YPEL2: variants seen among roughly 807,000 people sequenced by gnomAD.
YPEL2 encodes the protein yippee like 2, also known as protein yippee-like 2.
In YPEL2, 2 loss-of-function variants were observed where a neutral mutation model predicts 19.1. The observed-to-expected ratio is 0.10, with a 90% confidence interval of 0.04 to 0.33. The LOEUF is 0.33. YPEL2 is among the 10% of genes least tolerant of loss of function. The probability of loss-of-function intolerance (pLI) is 1.00; values close to 1 mark genes in which losing one functional copy is unlikely to be tolerated. For missense variants in YPEL2, 66 were observed against 140.7 expected, an observed-to-expected ratio of 0.47 and a Z score of 2.68; for synonymous variants, 52 against 50.0, an observed-to-expected ratio of 1.04 and a Z score of -0.17.
In YPEL2 at chr17:59,401,706, A is replaced by G. The variant is rs2048071999; in HGVS notation, c.*4516A>G. On this transcript the variant is annotated 3_prime_UTR_variant, in exon 5 of 5. Coordinates refer to ENST00000312655, the MANE Select transcript of YPEL2 (RefSeq NM_001005404.4). ...CAATCTGTGTTGGTGCTCATTTGAG[A>G]AAATAAAAGTTTTCAAATATTAACT... 6.6e-6 allele frequency: 1 copy of G among 152,640 alleles called. No homozygotes were observed. The highest frequency in any genetic ancestry group is 2.1e-4 in the South Asian group (1 of 4,832). 9.5% of individuals were successfully genotyped at this position (152,640 alleles called of 1,614,324 possible).
intron 1 of YPEL2, among the ~76,000 whole-genome samples, chr17:59,337,037 G>A (rs1411962861): frequency 6.6e-6 from 1 of 152,148 alleles, no homozygotes; most frequent in Non-Finnish European, 1.5e-5. Flanking sequence ...ACCGAGTTGG[G>A]CTTCAGTGTC....
chr17:59,367,866 G>A (rs895511754), intron 2 of YPEL2, among the ~76,000 whole-genome samples: 1 of 152,148 alleles, frequency 6.6e-6, no homozygotes, highest in Non-Finnish European at 1.5e-5. Flanking sequence ...CACTGTAATG[G>A]GAAGACAGTG....
intron 2 of YPEL2, chr17:59,354,759 CCTTT>C (rs1027213421): frequency 7.9e-5 from 12 of 152,334 alleles, no homozygotes; most frequent in African/African-American, 2.7e-4. Flanking sequence ...GCCCCACTTT[CCTTT>C]CTTTATGGTT....
intron 1 of YPEL2, among the ~76,000 whole-genome samples, chr17:59,334,002 G>T (rs1298909529): frequency 6.6e-6 from 1 of 152,184 alleles, no homozygotes; most frequent in Non-Finnish European, 1.5e-5. Flanking sequence ...AATCACACTA[G>T]CTTAGGCTTT....
rs568507821 is a variant in YPEL2 at position 59,386,097 on chromosome 17, C to T, written c.118-2230C>T. 3.1e-3 allele frequency among the ~76,000 whole-genome samples: 470 copies of T among 151,910 alleles called. 1 individual carries two copies. The highest frequency in any genetic ancestry group is 5.2e-3 in the Non-Finnish European group (351 of 67,962). On this transcript the variant is annotated intron_variant, in intron 2 of 4. Coordinates refer to ENST00000312655, the MANE Select transcript of YPEL2 (RefSeq NM_001005404.4). ...CAGCACTTTGGAAAGCTGAGGCAGGCGGATTGTTTAAGCCTAGGAGTTCAA... is the reference window on the plus strand; with the variant it reads ...CAGCACTTTGGAAAGCTGAGGCAGGTGGATTGTTTAAGCCTAGGAGTTCAA...
chr17:59,379,023 A>C (rs1054991863), intron 2 of YPEL2, among the ~76,000 whole-genome samples: 4 of 152,208 alleles, frequency 2.6e-5, no homozygotes, highest in Non-Finnish European at 5.9e-5. Context: ...TGGAAGACGA[A>C]TAGAGTCAGG....
chr17:59,398,078 T>C lies in YPEL2; in HGVS notation c.*888T>C, dbSNP rs1198273941. ...AGCAGGGCACAAAGGGGCTGCAGTT[T>C]GGGAGCTCCTGAAGAAATGGCTCAG... On this transcript the variant is annotated 3_prime_UTR_variant, in exon 5 of 5. Transcript: ENST00000312655. 1 of 152,230 alleles carries C rather than the reference T, an allele frequency of 6.6e-6. No individual in the cohort carries two copies. The highest frequency in any genetic ancestry group is 2.4e-5 in the African/African-American group (1 of 41,446). 9.4% of individuals were successfully genotyped at this position (152,230 alleles called of 1,614,324 possible). A position where few individuals can be genotyped will look rare whatever the true frequency, so the allele number is the denominator to read the frequency against.
At chr17:59,349,397 T>C (rs2047775719) in intron 1 of YPEL2, among the ~76,000 whole-genome samples, 2 of 142,224 alleles carry the variant, frequency 1.4e-5, no homozygotes, top group African/African-American at 5.2e-5. Context: ...GGAGTCTCGC[T>C]CTGTCGTCCA....
chr17:59,392,886 G>A (rs2048015120), intron 4 of YPEL2, among the ~76,000 whole-genome samples: 1 of 152,148 alleles, frequency 6.6e-6, no homozygotes. Context: ...CTGACCTCAG[G>A]TGATCCCCCC....
rs555054700 is a variant in YPEL2 at position 59,342,214 on chromosome 17, C to A, written c.-196+10390C>A. Reference sequence around the variant, plus strand: ...TGGGTGGTTTGTAGCTAATTGGGGCCCCAGCTGTGCCCTGGGGGACCAGCA... The same window carrying A: ...TGGGTGGTTTGTAGCTAATTGGGGCACCAGCTGTGCCCTGGGGGACCAGCA... On this transcript the variant is annotated intron_variant, in intron 1 of 4. Coordinates refer to ENST00000312655, the MANE Select transcript of YPEL2 (RefSeq NM_001005404.4). Among the ~76,000 whole-genome samples, 5 of 152,244 alleles carry A rather than the reference C, an allele frequency of 3.3e-5. No homozygotes were observed. In the East Asian group the frequency reaches 9.6e-4, roughly 29 times the overall value.
intron 2 of YPEL2, among the ~76,000 whole-genome samples, chr17:59,357,721 T>C (rs2047820002): frequency 6.6e-6 from 1 of 152,218 alleles, no homozygotes. Context: ...AAAGCTTTTG[T>C]ATGAAAATTT....
chr17:59,366,410 C>T (rs914286122), intron 2 of YPEL2, among the ~76,000 whole-genome samples: 5 of 152,124 alleles, frequency 3.3e-5, no homozygotes, highest in African/African-American at 4.8e-5. Flanking sequence ...TAAGGTTATC[C>T]GGGGCAGCTG....
intron 2 of YPEL2, among the ~76,000 whole-genome samples, chr17:59,356,820 G>T (rs1598034074): frequency 6.6e-6 from 1 of 152,170 alleles, no homozygotes; most frequent in East Asian, 1.9e-4. Flanking sequence ...ATCTGACATG[G>T]TAGAAGGGAA....
chr17:59,346,298 G>T (rs2047755985), intron 1 of YPEL2, among the ~76,000 whole-genome samples: 1 of 152,170 alleles, frequency 6.6e-6, no homozygotes, highest in Admixed American at 6.5e-5. Context: ...GTTAGCACAA[G>T]GTCCCTTTCA....
chr17:59,395,424 G>A (rs552543478), intron 4 of YPEL2, among the ~76,000 whole-genome samples: 1 of 152,316 alleles, frequency 6.6e-6, no homozygotes, highest in South Asian at 2.1e-4. Flanking sequence ...TCCACTGCTT[G>A]TGCATATGGA....
intron 2 of YPEL2, among the ~76,000 whole-genome samples, chr17:59,385,432 G>A (rs974901589): frequency 6.6e-6 from 1 of 151,908 alleles, no homozygotes; most frequent in Non-Finnish European, 1.5e-5. Flanking sequence ...TCCAAAATTA[G>A]CCAGGCATGG....
At chr17:59,385,449 G>A (rs933168637) in intron 2 of YPEL2, among the ~76,000 whole-genome samples, 6 of 151,948 alleles carry the variant, frequency 3.9e-5, no homozygotes, top group Admixed American at 1.3e-4. Flanking sequence ...ATGGTGGTGC[G>A]CCCCTGTAGT....
rs182282147 is a variant in YPEL2, at chr17:59,385,479, G to A, written c.118-2848G>A. On this transcript the variant is annotated intron_variant, in intron 2 of 4. Coordinates refer to ENST00000312655, the MANE Select transcript of YPEL2 (RefSeq NM_001005404.4). ...TGTAGTCCCAGCTACTCAGGAGGTT[G>A]AGGCAGAAGGATCACTTGAGCCCAG... Among the ~76,000 whole-genome samples the A allele has an allele frequency of 3.9e-3, 597 of 152,284 alleles. 3 individuals carry two copies. The highest frequency in any genetic ancestry group is 0.013 in the African/African-American group (554 of 41,548).
At chr17:59,370,919 C>T (rs538074422) in intron 2 of YPEL2, among the ~76,000 whole-genome samples, 2 of 152,296 alleles carry the variant, frequency 1.3e-5, no homozygotes, top group South Asian at 4.1e-4. Context: ...GGGAGTGACC[C>T]TGTGCAGTGG....
Sources: allele counts gnomAD v4.1 joint callset (sites outside exome capture counted in the v4.1 genomes callset), GRCh38; gene constraint gnomAD v4.1.1; transcripts MANE v1.5; gene names NCBI Gene and HGNC (gene_info 2026-07-23, HGNC 2026-07-21).